Variants in C3orf85 observed in about 807,000 individuals in gnomAD.
C3orf85 encodes chromosome 3 open reading frame 85, also known as uncharacterized protein C3orf85.
In C3orf85, 1 loss-of-function variant was observed where a neutral mutation model predicts 1.7. The ratio of observed to expected loss-of-function variants is 0.60; its 90% confidence interval spans 0.21 to 2.86. C3orf85 has a LOEUF of 2.86. C3orf85 is among the 30% of genes most tolerant of loss of function. The pLI, the probability that C3orf85 is intolerant of heterozygous loss-of-function variation, is 0.22. For missense variants in C3orf85, 29 were observed against 21.3 expected (o/e 1.36, Z -0.72); for synonymous variants, 17 against 8.0 (o/e 2.13, Z -1.90).
At chr3:109,148,108 G>A (rs993800301) in intron 2 of C3orf85, 145 bp from the exon 3 acceptor site, 2 of 601,486 alleles carry the variant, frequency 3.3e-6, no homozygotes, top group Non-Finnish European at 2.9e-6. Context: ...AGGAGTAGCT[G>A]TCTCACTCAG....
In C3orf85 at chr3:109,150,158, G is replaced by C. The variant is rs773591353; in HGVS notation, c.*264G>C. ...AGTAATAACATTTACCAAAACGATGGCATTTATGGGAAAAGGAAAGCAAAA... is the reference window on the plus strand; with the variant it reads ...AGTAATAACATTTACCAAAACGATGCCATTTATGGGAAAAGGAAAGCAAAA... On this transcript the variant is annotated 3_prime_UTR_variant, in exon 4 of 4. Transcript: ENST00000622536. 8 of 212,790 alleles carry C rather than the reference G, an allele frequency of 3.8e-5. No individual in the cohort carries two copies. The highest frequency in any genetic ancestry group is 6.4e-5 in the Non-Finnish European group (7 of 109,556). The allele number at this position is 212,790 out of a possible 1,614,324, so 13.2% of individuals were successfully genotyped here. A position where few individuals can be genotyped will look rare whatever the true frequency, so the allele number is the denominator to read the frequency against.
rs917487343 is a variant in C3orf85, at chr3:109,151,300, G to A, written c.*1406G>A. On this transcript the variant is annotated 3_prime_UTR_variant, in exon 4 of 4. Coordinates refer to ENST00000622536, the MANE Select transcript of C3orf85 (RefSeq NM_001351622.2). ...TTAATAAAAAATTGAGAATGTCTGTGTATTAGGGTTCTCCAGAGAAACAGA... is the reference window on the plus strand; with the variant it reads ...TTAATAAAAAATTGAGAATGTCTGTATATTAGGGTTCTCCAGAGAAACAGA... Among the ~76,000 whole-genome samples, 2 of 152,130 alleles carry A rather than the reference G, an allele frequency of 1.3e-5. No homozygotes were observed. The highest frequency in any genetic ancestry group is 2.9e-5 in the Non-Finnish European group (2 of 68,028).
chr3:109,137,619 ATGTG>A (rs1207083894), intron 2 of C3orf85, among the ~76,000 whole-genome samples: 5 of 106,810 alleles, frequency 4.7e-5, no homozygotes, highest in African/African-American at 1.6e-4. Context: ...AGATGTATAT[ATGTG>A]TGTGTGTGTG....
chr3:109,140,083 T>A (rs1706728727), intron 2 of C3orf85, among the ~76,000 whole-genome samples: 1 of 152,174 alleles, frequency 6.6e-6, no homozygotes, highest in Non-Finnish European at 1.5e-5. Flanking sequence ...ACAGTTTTGG[T>A]TTATTTTTAA....
At chr3:109,148,540 GT>G in intron 3 of C3orf85, 154 bp downstream of exon 3, 1 of 581,288 alleles carries the variant, frequency 1.7e-6, no homozygotes, top group Non-Finnish European at 3.1e-6. Context: ...CCATGAAGTG[GT>G]TTTTGCCTGG....
At chr3:109,149,158 T>C (rs1439273196) in intron 3 of C3orf85, 1 of 142,602 alleles carries the variant, frequency 7.0e-6, no homozygotes, top group Non-Finnish European at 1.5e-5. Flanking sequence ...AGTTGTATAA[T>C]GAATGAATGA....
rs778725315 is a variant in C3orf85 at position 109,148,389 on chromosome 3, A to G, written c.183+3A>G. The stretch of plus-strand genomic sequence containing the variant: ...GGGTAAACACACTGGCTAAGCAGGT[A>G]TTTGTATTAGAAACAAATGGTCCTT... On this transcript the variant is annotated splice_donor_region_variant and intron_variant, in intron 3 of 3. Transcript: ENST00000622536. The G allele has an allele frequency of 2.4e-5, 17 of 702,550 alleles. No individual in the cohort carries two copies. In the South Asian group the frequency reaches 2.5e-4, roughly 10 times the overall value. The allele number at this position is 702,550 out of a possible 1,614,324, so 43.5% of individuals were successfully genotyped here. A position where few individuals can be genotyped will look rare whatever the true frequency, so the allele number is the denominator to read the frequency against.
At chr3:109,140,421 T>G (rs1706732432) in intron 2 of C3orf85, among the ~76,000 whole-genome samples, 1 of 152,210 alleles carries the variant, frequency 6.6e-6, no homozygotes, top group Non-Finnish European at 1.5e-5. Flanking sequence ...CCCTCCCCGC[T>G]GCAAACGGCC....
In C3orf85 at chr3:109,150,779, T is replaced by C. The variant is rs1195541228; in HGVS notation, c.*885T>C. ...GGAATTTTTGTCTTCAGAAGTCTATTTATCTCCATTCTCTATTCTCTATTT... is the reference window on the plus strand; with the variant it reads ...GGAATTTTTGTCTTCAGAAGTCTATCTATCTCCATTCTCTATTCTCTATTT... On this transcript the variant is annotated 3_prime_UTR_variant, in exon 4 of 4. Transcript: ENST00000622536. Among the ~76,000 whole-genome samples, 1 of 152,204 alleles carries C rather than the reference T, an allele frequency of 6.6e-6. No individual in the cohort carries two copies. The highest frequency in any genetic ancestry group is 1.5e-5 in the Non-Finnish European group (1 of 68,026).
chr3:109,139,816 T>C (rs1281735278), intron 2 of C3orf85, among the ~76,000 whole-genome samples: 2 of 152,220 alleles, frequency 1.3e-5, no homozygotes, highest in African/African-American at 4.8e-5. Flanking sequence ...ATAAGCTGCC[T>C]TTGGTCTGTT....
intron 2 of C3orf85, among the ~76,000 whole-genome samples, chr3:109,145,169 T>C (rs1013200205): frequency 1.5e-4 from 23 of 152,188 alleles, no homozygotes; most frequent in Non-Finnish European, 3.1e-4. Context: ...TGTCCCTCAC[T>C]CTTCTCTTCC....
intron 2 of C3orf85, among the ~76,000 whole-genome samples, chr3:109,143,512 T>C (rs1017743993): frequency 6.6e-6 from 1 of 152,258 alleles, no homozygotes; most frequent in Non-Finnish European, 1.5e-5. Context: ...GTAAGTCTAC[T>C]CTGACCTTTC....
At chr3:109,138,207 C>T (rs1257681263) in intron 2 of C3orf85, among the ~76,000 whole-genome samples, 2 of 151,870 alleles carry the variant, frequency 1.3e-5, no homozygotes, top group Admixed American at 6.6e-5. Context: ...TGACTTGACT[C>T]TAAAAAAAAA....
At chr3:109,142,033 A>T (rs1706748119) in intron 2 of C3orf85, among the ~76,000 whole-genome samples, 1 of 152,230 alleles carries the variant, frequency 6.6e-6, no homozygotes, top group African/African-American at 2.4e-5. Context: ...CATCTCAAAA[A>T]AAAAAATTAC....
At position 109,150,837 on chromosome 3, in the gene C3orf85, T is replaced by G. The variant is rs1271888789; in HGVS notation, c.*943T>G. ...TCTCTCGAACAATTTATTTTTACCT[T>G]TTAAGGTAAATGGAAACATTTCCCT... On this transcript the variant is annotated 3_prime_UTR_variant, in exon 4 of 4. Transcript: ENST00000622536. 6.6e-6 allele frequency among the ~76,000 whole-genome samples: 1 copy of G among 152,226 alleles called. No homozygotes were observed. Among genetic ancestry groups the G allele is most frequent in the Non-Finnish European group, 1.5e-5 (1 of 68,046 alleles).
intron 2 of C3orf85, among the ~76,000 whole-genome samples, chr3:109,139,272 C>T (rs1053347239): frequency 1.3e-5 from 2 of 152,212 alleles, no homozygotes; most frequent in Non-Finnish European, 2.9e-5. Context: ...CAGAGCAAGA[C>T]GTCCTCTTGA....
At position 109,148,373 on chromosome 3, in the gene C3orf85, C is replaced by A; in HGVS notation, c.170C>A (p.Thr57Lys). 1 of 702,636 alleles carries A rather than the reference C, an allele frequency of 1.4e-6. No individual in the cohort carries two copies. The allele number at this position is 702,636 out of a possible 1,614,324, so 43.5% of individuals were successfully genotyped here. Residue 57 changes from threonine to lysine, a missense_variant, in exon 3 of 4, where the codon ACA (threonine) becomes AAA (lysine). Transcript: ENST00000622536. ...CACAGTTCAGATGTGTGGGTAAACA[C>A]ACTGGCTAAGCAGGTATTTGTATTA... is the stretch of plus-strand genomic sequence containing the variant. ...PDHSSDVWVN[T>K]LAKQARETWI...
At chr3:109,144,921 C>T (rs1005659884) in intron 2 of C3orf85, among the ~76,000 whole-genome samples, 3 of 152,122 alleles carry the variant, frequency 2.0e-5, no homozygotes, top group African/African-American at 7.2e-5. Flanking sequence ...AAATATGTAA[C>T]ACTGTAACAC....
chr3:109,141,893 G>A (rs1445486580), intron 2 of C3orf85, among the ~76,000 whole-genome samples: 2 of 152,174 alleles, frequency 1.3e-5, no homozygotes, highest in African/African-American at 4.8e-5. Flanking sequence ...GCCAGGCGTG[G>A]TGGTGCATGC....
Sources: gnomAD v4.1 joint callset for allele counts (sites outside exome capture counted in the v4.1 genomes callset) on GRCh38, gnomAD v4.1.1 for gene constraint, MANE v1.5 for transcripts, NCBI Gene and HGNC (gene_info 2026-07-23, HGNC 2026-07-21) for gene names.